OR1I1: variants seen among roughly 807,000 people sequenced by gnomAD.
OR1I1 encodes olfactory receptor 1I1.
For missense variants in OR1I1, 451 were observed against 443.6 expected (o/e 1.02, Z -0.15); for synonymous variants, 171 against 181.4 (o/e 0.94, Z 0.46).
rs2046245922 is a variant in OR1I1, at chr19:15,088,991, T to C, written c.*858T>C. 1.8e-5 allele frequency: 1 copy of C among 56,538 alleles called. No individual in the cohort carries two copies. The highest frequency in any genetic ancestry group is 5.5e-5 in the African/African-American group (1 of 18,250). The allele number at this position is 56,538 out of a possible 1,614,324, so 3.5% of individuals were successfully genotyped here. ...TAGATAGATAGATAGATGAGATAGG[T>C]AGGTAGGTCAGTCGATCGATTGATC... On this transcript the variant is annotated 3_prime_UTR_variant, in exon 2 of 2. Coordinates refer to ENST00000641398, the MANE Select transcript of OR1I1 (RefSeq NM_001004713.2).
Position 15,087,217 on chromosome 19 carries a change from C to G in OR1I1, c.152C>G (p.Thr51Arg). ...GNALIILAII[T>R]DSHLHTPMYF... The stretch of plus-strand genomic sequence containing the variant: ...GCCCTCATTATCCTGGCCATCATCA[C>G]GGACTCTCACCTCCACACACCCATG... The change falls in exon 2 of 2, where the codon ACG (threonine) becomes AGG (arginine). Residue 51 changes from threonine to arginine, a missense_variant. Physicochemically the swap from Thr to Arg is moderately conservative, Grantham distance 71. Coordinates refer to ENST00000641398, the MANE Select transcript of OR1I1 (RefSeq NM_001004713.2). 6.2e-7 allele frequency: 1 copy of G among 1,614,140 alleles called. No individual in the cohort carries two copies. The highest frequency in any genetic ancestry group is 1.3e-5 in the African/African-American group (1 of 75,052).
chr19:15,082,485 A>G (rs2046213467), intron 1 of OR1I1, among the ~76,000 whole-genome samples: 1 of 151,756 alleles, frequency 6.6e-6, no homozygotes, highest in Admixed American at 6.6e-5. Flanking sequence ...AGAGAGAGAG[A>G]AGAGACTGAG....
chr19:15,085,176 A>ATATATATTTTTTTT (rs1555717400), intron 1 of OR1I1, among the ~76,000 whole-genome samples: 1 of 80,136 alleles, frequency 1.2e-5, no homozygotes, highest in African/African-American at 4.6e-5. Context: ...ATATATATAT[A>ATATATATTTTTTTT]TTTTTTTTTT....
chr19:15,088,773 GTAGATAGA>G lies in OR1I1; in HGVS notation c.*683_*690del, dbSNP rs58540570. ...TAGATAGGGTGGATAGATAAGATAT[GTAGATAGA>G]TAGATAGATAGATAGATAGATAGAT... On this transcript the variant is annotated 3_prime_UTR_variant, in exon 2 of 2. Transcript: ENST00000641398. The G allele has an allele frequency of 0.048, 7,133 of 147,126 alleles. 328 individuals are homozygous for G. Among genetic ancestry groups the G allele is most frequent in the African/African-American group, 0.098 (3,848 of 39,100 alleles). The allele number at this position is 147,126 out of a possible 1,614,324, so 9.1% of individuals were successfully genotyped here.
chr19:15,091,648 G>T lies in OR1I1; in HGVS notation c.*3515G>T, dbSNP rs2046256780. 1 of 150,384 alleles carries T rather than the reference G, an allele frequency of 6.6e-6. No homozygotes were observed. The highest frequency in any genetic ancestry group is 2.5e-5 in the African/African-American group (1 of 40,408). The allele number at this position is 150,384 out of a possible 1,614,324, so 9.3% of individuals were successfully genotyped here. A position where few individuals can be genotyped will look rare whatever the true frequency, so the allele number is the denominator to read the frequency against. ...CACCCCAGCCTGGGTGACAGAGCGA[G>T]ACTCCTCCTCAATTTAAAAAAAAAT... On this transcript the variant is annotated 3_prime_UTR_variant, in exon 2 of 2. Coordinates refer to ENST00000641398, the MANE Select transcript of OR1I1 (RefSeq NM_001004713.2).
rs2046243915 is a variant in OR1I1 at position 15,088,802 on chromosome 19, T to TAGATAGATAGGTAGAC, written c.*679_*680insGTAGACAGATAGATAG. 5 of 132,274 alleles carry TAGATAGATAGGTAGAC rather than the reference T, an allele frequency of 3.8e-5. No individual in the cohort carries two copies. The East Asian group carries it at 9.9e-4, about 26-fold the overall frequency. 8.2% of individuals were successfully genotyped at this position (132,274 alleles called of 1,614,324 possible). A position where few individuals can be genotyped will look rare whatever the true frequency, so the allele number is the denominator to read the frequency against. On this transcript the variant is annotated 3_prime_UTR_variant, in exon 2 of 2. Coordinates refer to ENST00000641398, the MANE Select transcript of OR1I1 (RefSeq NM_001004713.2). ...ATAGATAGATAGATAGATAGATAGA[T>TAGATAGATAGGTAGAC]AGATAGATAGATAGATAGATATACA...
chr19:15,085,176 A>ATGTTTTT (rs1555717400), intron 1 of OR1I1, among the ~76,000 whole-genome samples: 30 of 80,128 alleles, frequency 3.7e-4, no homozygotes, highest in Non-Finnish European at 5.5e-4. Context: ...ATATATATAT[A>ATGTTTTT]TTTTTTTTTT....
intron 1 of OR1I1, among the ~76,000 whole-genome samples, chr19:15,086,685 A>G (rs980599461): frequency 6.6e-6 from 1 of 151,840 alleles, no homozygotes; most frequent in African/African-American, 2.4e-5. Flanking sequence ...CGAACTCCTG[A>G]CCTCAAGCAA....
Position 15,087,449 on chromosome 19 carries a change from C to T in OR1I1, c.384C>T (p.His128=). Residue 128 remains histidine (H), a synonymous_variant, in exon 2 of 2, where the codon CAC becomes CAT. Transcript: ENST00000641398. ...MAIDRFVAIV[H]PQRYLVLMCS... is the part of the protein sequence containing the mutation. ...TCGACCGCTTCGTGGCCATTGTCCA[C>T]CCACAGCGTTACTTGGTTCTCATGT... 6.2e-7 allele frequency: 1 copy of T among 1,614,120 alleles called. No individual in the cohort carries two copies. Among genetic ancestry groups the T allele is most frequent in the Non-Finnish European group, 8.5e-7 (1 of 1,179,976 alleles).
Position 15,088,083 on chromosome 19 carries a change from C to A in OR1I1, c.1018C>A (p.Pro340Thr). 1.3e-6 allele frequency: 2 copies of A among 1,571,198 alleles called. No homozygotes were observed. Among genetic ancestry groups the A allele is most frequent in the Non-Finnish European group, 1.7e-6 (2 of 1,152,254 alleles). ...TAGGGACACAGAGATGCATCCCATC[C>A]CCTACCCTGGAGGAGTTCAGAGTCT... ...AARDTEMHPI[P>T]YPGGVQSLAG... The change falls in exon 2 of 2, where the codon CCC (proline) becomes ACC (threonine). Residue 340 changes from proline to threonine, a missense_variant. Pro to Thr is a conservative substitution (Grantham distance 38). Transcript: ENST00000641398.
intron 1 of OR1I1, among the ~76,000 whole-genome samples, chr19:15,082,562 G>A (rs982114524): frequency 6.6e-6 from 1 of 152,098 alleles, no homozygotes; most frequent in Non-Finnish European, 1.5e-5. Context: ...AGGATATGTG[G>A]AGGAAAAGCA....
chr19:15,084,689 C>A (rs974639745), intron 1 of OR1I1, among the ~76,000 whole-genome samples: 8 of 152,018 alleles, frequency 5.3e-5, no homozygotes, highest in East Asian at 1.9e-4. Context: ...ATGTAACAAA[C>A]CTGCACGTCC....
At position 15,087,685 on chromosome 19, in the gene OR1I1, G is replaced by C; in HGVS notation, c.620G>C (p.Gly207Ala). The C allele has an allele frequency of 6.2e-7, 1 of 1,614,136 alleles. No individual in the cohort carries two copies. Among genetic ancestry groups the C allele is most frequent in the Non-Finnish European group, 8.5e-7 (1 of 1,180,016 alleles). Residue 207 changes from glycine to alanine, a missense_variant, in exon 2 of 2, where the codon GGC (glycine) becomes GCC (alanine). Transcript: ENST00000641398. ...LVIFAFGIVV[G>A]TSPFSCILLS... ...ATCTTTGCTTTTGGCATTGTCGTGG[G>C]CACCAGCCCATTCTCCTGCATCCTT...
chr19:15,091,873 T>G lies in OR1I1; in HGVS notation c.*3740T>G, dbSNP rs1208314196. 2.0e-5 allele frequency: 3 copies of G among 149,932 alleles called. No homozygotes were observed. The East Asian group carries it at 5.8e-4, about 29-fold the overall frequency. 9.3% of individuals were successfully genotyped at this position (149,932 alleles called of 1,614,324 possible). ...AAAAAAAGTTTGTAATTTAAAAGTT[T>G]GAGCATCACTGGGCTAGATGGGGGT... On this transcript the variant is annotated 3_prime_UTR_variant, in exon 2 of 2. Transcript: ENST00000641398.
rs369952436 is a variant in OR1I1 at position 15,087,196 on chromosome 19, T to C, written c.131T>C (p.Leu44Pro). The part of the protein sequence containing the change: ...TYLVTIIGNA[L>P]IILAIITDSH... ...CTGGTCACCATCATTGGAAATGCCCTCATTATCCTGGCCATCATCACGGAC... is the reference window on the plus strand; with the variant it reads ...CTGGTCACCATCATTGGAAATGCCCCCATTATCCTGGCCATCATCACGGAC... Residue 44 changes from leucine (L) to proline (P), a missense_variant, in exon 2 of 2, where the codon CTC (leucine) becomes CCC (proline). Leu to Pro is a moderately conservative substitution (Grantham distance 98). Transcript: ENST00000641398. 22 of 1,614,054 alleles carry C rather than the reference T, an allele frequency of 1.4e-5. No individual in the cohort carries two copies. The highest frequency in any genetic ancestry group is 1.9e-5 in the Non-Finnish European group (22 of 1,179,972).
chr19:15,087,670 T>C lies in OR1I1; in HGVS notation c.605T>C (p.Phe202Ser). ...THTNELVIFA[F>S]GIVVGTSPFS... ...ACCAACGAGCTGGTGATCTTTGCTT[T>C]TGGCATTGTCGTGGGCACCAGCCCA... is the stretch of plus-strand genomic sequence containing the variant. The change falls in exon 2 of 2, where the codon TTT (phenylalanine) becomes TCT (serine). Residue 202 changes from phenylalanine to serine, a missense_variant. Physicochemically the swap from Phe to Ser is radical, Grantham distance 155. Transcript: ENST00000641398. The C allele has an allele frequency of 1.9e-6, 3 of 1,614,242 alleles. No individual in the cohort carries two copies. Among genetic ancestry groups the C allele is most frequent in the Non-Finnish European group, 2.5e-6 (3 of 1,180,046 alleles).
rs770344788 is a variant in OR1I1 at position 15,092,104 on chromosome 19, TTTTTTTGGTTTTTGGTTG to T, written c.*3978_*3995del. The T allele has an allele frequency of 0.26, 18,733 of 72,714 alleles. 1,654 individuals are homozygous for T. Among genetic ancestry groups the T allele is most frequent in the Non-Finnish European group, 0.37 (12,127 of 32,564 alleles). The allele number at this position is 72,714 out of a possible 1,614,324, so 4.5% of individuals were successfully genotyped here. Reference sequence around the variant, plus strand: ...TTAAAACGCTTTTTTTTTTTTTTTTTTTTTTTGGTTTTTGGTTGTTTTTTTTTTTTCCCCGGAAACTTG... The same window carrying T: ...TTAAAACGCTTTTTTTTTTTTTTTTTTTTTTTTTTTTTCCCCGGAAACTTG... On this transcript the variant is annotated 3_prime_UTR_variant, in exon 2 of 2. Transcript: ENST00000641398.
intron 1 of OR1I1, among the ~76,000 whole-genome samples, chr19:15,084,410 T>C (rs943315097): frequency 3.3e-5 from 5 of 152,058 alleles, no homozygotes; most frequent in Admixed American, 1.3e-4. Flanking sequence ...ATACAAAAAT[T>C]AGCCATGCGT....
In OR1I1 at chr19:15,092,579, C is replaced by A. The variant is rs1433437270; in HGVS notation, c.*4446C>A. On this transcript the variant is annotated 3_prime_UTR_variant, in exon 2 of 2. Transcript: ENST00000641398. ...AAAGCAGCCATAGATGAGACATCAACGAATGGGCTTGGCTGTGTTCCACTA... is the reference window on the plus strand; with the variant it reads ...AAAGCAGCCATAGATGAGACATCAAAGAATGGGCTTGGCTGTGTTCCACTA... The A allele has an allele frequency of 6.6e-6, 1 of 152,166 alleles. No individual in the cohort carries two copies. The highest frequency in any genetic ancestry group is 6.5e-5 in the Admixed American group (1 of 15,272). 9.4% of individuals were successfully genotyped at this position (152,166 alleles called of 1,614,324 possible). A position where few individuals can be genotyped will look rare whatever the true frequency, so the allele number is the denominator to read the frequency against.
Sources: gnomAD v4.1 joint callset for allele counts (sites outside exome capture counted in the v4.1 genomes callset) on GRCh38, gnomAD v4.1.1 for gene constraint, MANE v1.5 for transcripts, NCBI Gene and HGNC (gene_info 2026-07-23, HGNC 2026-07-21) for gene names.